The following ZNF26 variants were observed in gnomAD, a reference collection of about 807,000 sequenced individuals.
The protein encoded by ZNF26 is epididymis luminal protein 179.
Under a neutral mutation model 54.9 loss-of-function variants are expected in ZNF26, and 32 were observed. The observed-to-expected ratio is 0.58, with a 90% CI of 0.44 to 0.78. The LOEUF (loss-of-function observed/expected upper bound fraction) is 0.78, where lower values mean the gene tolerates loss of function less well. Among genes scored for constraint, ZNF26 ranks in the 30% least tolerant of loss-of-function variants. ZNF26 has a pLI of 0.00. For synonymous variants in ZNF26, 221 were observed against 209.2 expected (o/e 1.06, Z -0.49); for missense variants, 524 against 634.0 (o/e 0.83, Z 1.86).
At chr12:133,002,170 C>T (rs1953232246) in intron 1 of ZNF26, among the ~76,000 whole-genome samples, 1 of 152,176 alleles carries the variant, frequency 6.6e-6, no homozygotes, top group African/African-American at 2.4e-5. Flanking sequence ...CAGGCTTCTC[C>T]ACCTCCTTAA....
Position 133,019,299 on chromosome 12 carries a change from T to G in ZNF26, c.*7818T>G, listed in dbSNP as rs2137278683. The G allele has an allele frequency of 6.6e-6, 1 of 151,794 alleles. No individual in the cohort carries two copies. Among genetic ancestry groups the G allele is most frequent in the South Asian group, 2.1e-4 (1 of 4,806 alleles). The allele number at this position is 151,794 out of a possible 1,614,324, so 9.4% of individuals were successfully genotyped here. On this transcript the variant is annotated 3_prime_UTR_variant, in exon 4 of 4. Transcript: ENST00000328654. ...TGCAAACTATCCATTTGACAAGGGG[T>G]TAATTGCCAGAATATACAGGGAGCT...
At chr12:133,003,289 T>G (rs1953258612) in intron 1 of ZNF26, among the ~76,000 whole-genome samples, 1 of 148,992 alleles carries the variant, frequency 6.7e-6, no homozygotes, top group African/African-American at 2.5e-5. Flanking sequence ...GGAGTCTCGC[T>G]CTGTTGCCCA....
chr12:133,006,762 T>G (rs1005573851), intron 1 of ZNF26: 1 of 295,888 alleles, frequency 3.4e-6, no homozygotes. Flanking sequence ...GCCCAGCTAA[T>G]TTTTGTATTT....
In ZNF26 at chr12:133,019,898, C is replaced by G. The variant is rs1377159192; in HGVS notation, c.*8417C>G. The G allele has an allele frequency of 6.6e-6, 1 of 152,202 alleles. No homozygotes were observed. The highest frequency in any genetic ancestry group is 2.4e-5 in the African/African-American group (1 of 41,422). 9.4% of individuals were successfully genotyped at this position (152,202 alleles called of 1,614,324 possible). ...ATCACTTGAGGTCAAGAGTTCAAGA[C>G]CAGCTTCACCAGCCTGGTGAAACCC... On this transcript the variant is annotated 3_prime_UTR_variant, in exon 4 of 4. Transcript: ENST00000328654.
At chr12:132,995,690 C>A (rs973023357) in intron 1 of ZNF26, among the ~76,000 whole-genome samples, 1 of 151,992 alleles carries the variant, frequency 6.6e-6, no homozygotes, top group Non-Finnish European at 1.5e-5. Flanking sequence ...CTTGCTCTGT[C>A]GCCCAGGCTG....
Position 133,010,246 on chromosome 12 carries a change from T to TC in ZNF26, c.368dup (p.Arg124LysfsTer6). On this transcript the variant is annotated frameshift_variant, in exon 4 of 4. Transcript: ENST00000328654. LOFTEE classifies it high-confidence loss of function. Reference sequence around the variant, plus strand: ...TAATCTGAGCAAAACCCATGATTCTTCAAGACAGAGACTCTATAACACACG... The same window carrying TC: ...TAATCTGAGCAAAACCCATGATTCTTCCAAGACAGAGACTCTATAACACACG... 2.5e-6 allele frequency: 4 copies of TC among 1,614,038 alleles called. No homozygotes were observed. The highest frequency in any genetic ancestry group is 3.4e-6 in the Non-Finnish European group (4 of 1,180,002).
At chr12:133,003,923 G>A (rs1953272307) in intron 1 of ZNF26, among the ~76,000 whole-genome samples, 1 of 152,134 alleles carries the variant, frequency 6.6e-6, no homozygotes, top group Admixed American at 6.5e-5. Context: ...TTTAGTTTAA[G>A]TCCCTTGAGT....
At chr12:132,989,700 C>T (rs1952905517) in intron 1 of ZNF26, among the ~76,000 whole-genome samples, 1 of 152,154 alleles carries the variant, frequency 6.6e-6, no homozygotes, top group Non-Finnish European at 1.5e-5. Context: ...AATTTTGGAG[C>T]ATTTAGATTT....
chr12:133,010,719 C>G lies in ZNF26; in HGVS notation c.840C>G (p.His280Gln). Residue 280 changes from histidine (H) to glutamine (Q), a missense_variant, in exon 4 of 4, where the codon CAC becomes CAG. By Grantham distance (24) the His-to-Gln change is conservative (BLOSUM62 0). Coordinates refer to ENST00000328654, the MANE Select transcript of ZNF26 (RefSeq NM_019591.4). Reference protein sequence around the residue: ...KSQLLLHQRSHTGVKPYECSE... With the variant: ...KSQLLLHQRSQTGVKPYECSE... The stretch of plus-strand genomic sequence containing the variant: ...AGCTTCTTTTACACCAGAGAAGTCA[C>G]ACAGGAGTGAAACCGTATGAATGCA... 1.9e-6 allele frequency: 3 copies of G among 1,613,448 alleles called. No individual in the cohort carries two copies. The highest frequency in any genetic ancestry group is 2.5e-6 in the Non-Finnish European group (3 of 1,179,640).
At chr12:132,996,478 G>C (rs1953086794) in intron 1 of ZNF26, among the ~76,000 whole-genome samples, 1 of 152,200 alleles carries the variant, frequency 6.6e-6, no homozygotes, top group South Asian at 2.1e-4. Context: ...GAATTTTCTA[G>C]TTGTAGCAGT....
At chr12:132,999,881 G>T (rs113113736) in intron 1 of ZNF26, among the ~76,000 whole-genome samples, 2,101 of 151,910 alleles carry the variant, frequency 0.014, 38 homozygotes, top group African/African-American at 0.048. Context: ...TGTTGGTCAG[G>T]CTGGTCTCAA....
At chr12:132,991,636 A>ACAACAACAACAAC (rs372924982) in intron 1 of ZNF26, among the ~76,000 whole-genome samples, 50 of 148,640 alleles carry the variant, frequency 3.4e-4, no homozygotes, top group Middle Eastern at 3.4e-3. Flanking sequence ...ACAACAAAAA[A>ACAACAACAACAAC]AAAAAAAACC....
At position 133,011,204 on chromosome 12, in the gene ZNF26, T is replaced by C; in HGVS notation, c.1325T>C (p.Ile442Thr). 1 of 1,614,080 alleles carries C rather than the reference T, an allele frequency of 6.2e-7. No homozygotes were observed. The highest frequency in any genetic ancestry group is 8.5e-7 in the Non-Finnish European group (1 of 1,180,020). Residue 442 changes from isoleucine to threonine, a missense_variant, in exon 4 of 4, where the codon ATT becomes ACT. Transcript: ENST00000328654. Reference sequence around the variant, plus strand: ...GCCTTTTGTGGAAAATCACAGCTGATTATACATCAGAGAACTCATTCAACT... The same window carrying C: ...GCCTTTTGTGGAAAATCACAGCTGACTATACATCAGAGAACTCATTCAACT... ...ERAFCGKSQL[I>T]IHQRTHSTEK...
At chr12:132,989,189 A>G (rs1201506289) in intron 1 of ZNF26, among the ~76,000 whole-genome samples, 1 of 151,858 alleles carries the variant, frequency 6.6e-6, no homozygotes, top group East Asian at 1.9e-4. Flanking sequence ...GGCATGTGCC[A>G]CCACGCCCAT....
chr12:133,011,608 A>C lies in ZNF26; in HGVS notation c.*127A>C, dbSNP rs1953475022. 1 of 917,926 alleles carries C rather than the reference A, an allele frequency of 1.1e-6. No individual in the cohort carries two copies. The highest frequency in any genetic ancestry group is 1.5e-6 in the Non-Finnish European group (1 of 650,006). 56.9% of individuals were successfully genotyped at this position (917,926 alleles called of 1,614,324 possible). On this transcript the variant is annotated 3_prime_UTR_variant, in exon 4 of 4. Coordinates refer to ENST00000328654, the MANE Select transcript of ZNF26 (RefSeq NM_019591.4). ...AAATCAGAGAGGAGAGAGACCAACCATATTTGGGATGAGTGTAAAAGCTTT... is the reference window on the plus strand; with the variant it reads ...AAATCAGAGAGGAGAGAGACCAACCCTATTTGGGATGAGTGTAAAAGCTTT...
At position 133,016,505 on chromosome 12, in the gene ZNF26, C is replaced by T. The variant is rs936916700; in HGVS notation, c.*5024C>T. 4 of 149,640 alleles carry T rather than the reference C, an allele frequency of 2.7e-5. No individual in the cohort carries two copies. Among genetic ancestry groups the T allele is most frequent in the Non-Finnish European group, 5.9e-5 (4 of 67,752 alleles). The allele number at this position is 149,640 out of a possible 1,614,324, so 9.3% of individuals were successfully genotyped here. A position where few individuals can be genotyped will look rare whatever the true frequency, so the allele number is the denominator to read the frequency against. ...AGTCTAAAATTTAAAATCAGCCCTACTCTGGCTGGGTGCAGTGGCTTATGC... is the reference window on the plus strand; with the variant it reads ...AGTCTAAAATTTAAAATCAGCCCTATTCTGGCTGGGTGCAGTGGCTTATGC... On this transcript the variant is annotated 3_prime_UTR_variant, in exon 4 of 4. Transcript: ENST00000328654.
In ZNF26 at chr12:133,007,514, T is replaced by G; in HGVS notation, c.238T>G (p.Ser80Ala). 1 of 1,613,610 alleles carries G rather than the reference T, an allele frequency of 6.2e-7. No individual in the cohort carries two copies. Among genetic ancestry groups the G allele is most frequent in the Non-Finnish European group, 8.5e-7 (1 of 1,179,706 alleles). The change falls in exon 3 of 4, where the codon TCC becomes GCC. Residue 80 changes from serine (S) to alanine (A), a missense_variant. Coordinates refer to ENST00000328654, the MANE Select transcript of ZNF26 (RefSeq NM_019591.4). ...EDPWIINAKI[S>A]RQSCPDGWEE... ...TCCATGGATAATAAATGCCAAAATT[T>G]CCAGGCAGAGCTGTCCAGGTGGGTG... is the stretch of plus-strand genomic sequence containing the variant.
chr12:132,994,127 C>T (rs914467899), intron 1 of ZNF26, among the ~76,000 whole-genome samples: 1 of 152,162 alleles, frequency 6.6e-6, no homozygotes, highest in Non-Finnish European at 1.5e-5. Context: ...ACTTTGTCTC[C>T]CTCCACTCCC....
rs1953645518 is a variant in ZNF26, at chr12:133,021,749, A to G, written c.*10268A>G. 4 of 24,652 alleles carry G rather than the reference A, an allele frequency of 1.6e-4. No homozygotes were observed. The highest frequency in any genetic ancestry group is 2.8e-4 in the African/African-American group (4 of 14,326). 1.5% of individuals were successfully genotyped at this position (24,652 alleles called of 1,614,324 possible). A position where few individuals can be genotyped will look rare whatever the true frequency, so the allele number is the denominator to read the frequency against. ...ACCACTGCACTCCAGCCTGGGTGAC[A>G]GAGTGAAACTGTCTCAGAAAAAAGA... On this transcript the variant is annotated 3_prime_UTR_variant, in exon 4 of 4. Transcript: ENST00000328654.
Sources: gnomAD v4.1 joint callset for allele counts (sites outside exome capture counted in the v4.1 genomes callset) on GRCh38, gnomAD v4.1.1 for gene constraint, MANE v1.5 for transcripts, NCBI Gene and HGNC (gene_info 2026-07-23, HGNC 2026-07-21) for gene names.